The following SRRD variants were observed in gnomAD, a reference collection of about 807,000 sequenced individuals.
SRRD encodes the protein SRR1 domain containing.
A neutral mutation model predicts 30.7 loss-of-function variants in SRRD; 28 were observed. That is an observed-to-expected ratio of 0.91 (90% CI 0.68 to 1.25). SRRD has a LOEUF of 1.25. Among genes scored for constraint, SRRD ranks in the 50% most tolerant of loss-of-function variants. The pLI is 0.00. For missense variants in SRRD, 415 were observed against 417.3 expected (o/e 0.99, Z 0.05); for synonymous variants, 161 against 159.6 (o/e 1.01, Z -0.07).
In SRRD at chr22:26,492,525, G is replaced by A. The variant is rs1017194843; in HGVS notation, c.*853G>A. On this transcript the variant is annotated 3_prime_UTR_variant, in exon 7 of 7. Coordinates refer to ENST00000215917, the MANE Select transcript of SRRD (RefSeq NM_001013694.3). The stretch of plus-strand genomic sequence containing the variant: ...ATACAACTTTGGAGGAAGTTTAGAC[G>A]ACTGGCCAGTATCACATAAAAACTG... 1.6e-6 allele frequency: 1 copy of A among 644,072 alleles called. No homozygotes were observed. Among genetic ancestry groups the A allele is most frequent in the South Asian group, 1.9e-5 (1 of 52,788 alleles). The allele number at this position is 644,072 out of a possible 1,614,324, so 39.9% of individuals were successfully genotyped here.
rs1921187073 is a variant in SRRD, at chr22:26,491,579, T to C, written c.927T>C (p.Asp309=). 1 of 1,614,020 alleles carries C rather than the reference T, an allele frequency of 6.2e-7. No individual in the cohort carries two copies. Among genetic ancestry groups the C allele is most frequent in the South Asian group, 1.1e-5 (1 of 91,088 alleles). ...PVQKLEQLSI[D]IWEFREEPDY... is the part of the protein sequence containing the mutation. ...AAAAGCTAGAACAGCTCTCCATAGA[T>C]ATTTGGGAGTTTCGGGAAGAACCAG... The change falls in exon 7 of 7, where the codon GAT becomes GAC. Residue 309 remains aspartate, a synonymous_variant. Coordinates refer to ENST00000215917, the MANE Select transcript of SRRD (RefSeq NM_001013694.3).
chr22:26,490,559 C>CTTTTTGTTTTTTTTT, intron 5 of SRRD, among the ~76,000 whole-genome samples: 1 of 51,844 alleles, frequency 1.9e-5, no homozygotes, highest in Non-Finnish European at 3.4e-5. Context: ...GGAATATTTG[C>CTTTTTGTTTTTTTTT]TTTTTTTTTT....
In SRRD at chr22:26,491,850, G is replaced by A. The variant is rs565844400; in HGVS notation, c.*178G>A. 2 of 931,766 alleles carry A rather than the reference G, an allele frequency of 2.1e-6. No homozygotes were observed. The highest frequency in any genetic ancestry group is 2.7e-5 in the Admixed American group (1 of 36,952). The allele number at this position is 931,766 out of a possible 1,614,324, so 57.7% of individuals were successfully genotyped here. ...CTTGGTATAAAGATTCCTGCCCTAC[G>A]TGGCATTGTCCCATTTTACATCCTT... On this transcript the variant is annotated 3_prime_UTR_variant, in exon 7 of 7. Coordinates refer to ENST00000215917, the MANE Select transcript of SRRD (RefSeq NM_001013694.3).
intron 2 of SRRD, among the ~76,000 whole-genome samples, chr22:26,487,586 C>G (rs1484558006): frequency 6.6e-6 from 1 of 152,292 alleles, no homozygotes; most frequent in South Asian, 2.1e-4. Context: ...GTCTTGAATT[C>G]CTGACCTCAG....
Position 26,488,020 on chromosome 22 carries a change from C to A in SRRD, c.251-9C>A. The A allele has an allele frequency of 6.2e-7, 1 of 1,600,790 alleles. No individual in the cohort carries two copies. Among genetic ancestry groups the A allele is most frequent in the Non-Finnish European group, 8.5e-7 (1 of 1,172,106 alleles). ...CCCTCTAACTGCATTTGGGGGCCTG[C>A]TCTTTCAGAAACCATCAATAGATGT... On this transcript the variant is annotated splice_polypyrimidine_tract_variant and intron_variant, in intron 2 of 6. Transcript: ENST00000215917.
rs372171229 is a variant in SRRD, at chr22:26,492,417, T to C, written c.*745T>C. The C allele has an allele frequency of 3.8e-6, 6 of 1,569,344 alleles. No homozygotes were observed. The African/African-American group carries it at 4.0e-5, about 11-fold the overall frequency. ...GTGAGGAGAGGTGTTTCCAGGTGTA[T>C]GGAAGTTGACACTGTGGCTTGGCCC... is the stretch of plus-strand genomic sequence containing the variant. On this transcript the variant is annotated 3_prime_UTR_variant, in exon 7 of 7. Coordinates refer to ENST00000215917, the MANE Select transcript of SRRD (RefSeq NM_001013694.3).
rs1381503605 is a variant in SRRD at position 26,494,066 on chromosome 22, G to A, written c.*2394G>A. The A allele has an allele frequency of 2.6e-6, 4 of 1,560,480 alleles. No individual in the cohort carries two copies. Among genetic ancestry groups the A allele is most frequent in the Non-Finnish European group, 3.5e-6 (4 of 1,144,416 alleles). On this transcript the variant is annotated 3_prime_UTR_variant, in exon 7 of 7. Transcript: ENST00000215917. ...CTGCCTACAGGAACCAGAAAACTCTGATTCTGTGTCATTTACATGTGTAAA... is the reference window on the plus strand; with the variant it reads ...CTGCCTACAGGAACCAGAAAACTCTAATTCTGTGTCATTTACATGTGTAAA...
intron 3 of SRRD, 48 bp from the exon 4 acceptor site, chr22:26,488,342 G>A: frequency 6.2e-7 from 1 of 1,613,576 alleles, no homozygotes; most frequent in Non-Finnish European, 8.5e-7. Context: ...ATACATGGGT[G>A]CACACAGATG....
At position 26,487,287 on chromosome 22, in the gene SRRD, A is replaced by T. The variant is rs139611700; in HGVS notation, c.251-742A>T. 2.2e-3 allele frequency among the ~76,000 whole-genome samples: 331 copies of T among 152,300 alleles called. 1 individual carries two copies. Among genetic ancestry groups the T allele is most frequent in the African/African-American group, 7.2e-3 (300 of 41,552 alleles). ...ATGCACGGCTTTTTTTGTTTTGCTA[A>T]ATTCAGTACCAGTACAATAAAAGGA... is the stretch of plus-strand genomic sequence containing the variant. On this transcript the variant is annotated intron_variant, in intron 2 of 6. Transcript: ENST00000215917.
chr22:26,489,940 TC>T, intron 4 of SRRD, 103 bp from the exon 5 acceptor site: 1 of 1,330,974 alleles, frequency 7.5e-7, no homozygotes, highest in Non-Finnish European at 1.0e-6. Context: ...TTCCTTTTGA[TC>T]CTTTAGTTTG....
Position 26,488,417 on chromosome 22 carries a change from G to C in SRRD, c.538G>C (p.Asp180His). The C allele has an allele frequency of 6.2e-7, 1 of 1,614,134 alleles. No homozygotes were observed. Residue 180 changes from aspartate to histidine, a missense_variant, in exon 4 of 7, where the codon GAC becomes CAC. Physicochemically the swap from Asp to His is moderately conservative, Grantham distance 81. Transcript: ENST00000215917. ...TCCCAGAAGTCACTGTTGGGTATAT[G>C]ACCCTCTGTTTAGCCAACTTGAAAT... ...QIPRSHCWVYDPLFSQLEIEV... is the reference protein window; with the variant it reads ...QIPRSHCWVYHPLFSQLEIEV...
Position 26,490,170 on chromosome 22 carries a change from G to C in SRRD, c.736G>C (p.Gly246Arg). Residue 246 changes from glycine (G) to arginine (R), a missense_variant, in exon 5 of 7, where the codon GGG (glycine) becomes CGG (arginine). By Grantham distance (125) the Gly-to-Arg change is moderately radical (BLOSUM62 -2). Transcript: ENST00000215917. ...TGCCCTTTCTAAGATGGTCATCATTGGGAACAGTTTCAAAGGACTTGAGGA... is the reference window on the plus strand; with the variant it reads ...TGCCCTTTCTAAGATGGTCATCATTCGGAACAGTTTCAAAGGACTTGAGGA... ...VDALSKMVII[G>R]NSFKGLEERL... The C allele has an allele frequency of 6.2e-7, 1 of 1,614,130 alleles. No homozygotes were observed. Among genetic ancestry groups the C allele is most frequent in the Non-Finnish European group, 8.5e-7 (1 of 1,180,018 alleles).
chr22:26,491,132 T>TC, intron 6 of SRRD, 62 bp downstream of exon 6: 1 of 1,535,726 alleles, frequency 6.5e-7, no homozygotes. Flanking sequence ...GAATTCTATC[T>TC]TTCTTTACAG....
At chr22:26,490,930 C>A in intron 5 of SRRD, 95 bp from the exon 6 acceptor site, 2 of 1,106,892 alleles carry the variant, frequency 1.8e-6, no homozygotes, top group Non-Finnish European at 1.3e-6. Context: ...AATCATCTTG[C>A]CCTTCTATGT....
chr22:26,487,819 C>T (rs778772418), intron 2 of SRRD, among the ~76,000 whole-genome samples: 2 of 152,204 alleles, frequency 1.3e-5, no homozygotes, highest in Non-Finnish European at 2.9e-5. Flanking sequence ...GTCCAGGGGC[C>T]GGGACAGTTT....
At chr22:26,490,861 AACTATTTAACTGGTTT>A in intron 5 of SRRD, 148 bp from the exon 6 acceptor site, 1 of 629,566 alleles carries the variant, frequency 1.6e-6, no homozygotes, top group South Asian at 2.2e-5. Context: ...CCACATTTTC[AACTATTTAACTGGTTT>A]ACTCCACATC....
chr22:26,488,215 T>C lies in SRRD; in HGVS notation c.437T>C (p.Ile146Thr). ...CATTTGAAGTGTGTGTGTTACGGCA[T>C]TGGGAACTTTGCCACCTGCATCGTA... ...TCHLKCVCYGIGNFATCIVAR... is the reference protein window; with the variant it reads ...TCHLKCVCYGTGNFATCIVAR... Residue 146 changes from isoleucine (I) to threonine (T), a missense_variant, in exon 3 of 7, where the codon ATT becomes ACT. Physicochemically the swap from Ile to Thr is moderately conservative, Grantham distance 89 (BLOSUM62 -1). Coordinates refer to ENST00000215917, the MANE Select transcript of SRRD (RefSeq NM_001013694.3). The C allele has an allele frequency of 2.5e-6, 4 of 1,614,220 alleles. No homozygotes were observed. Among genetic ancestry groups the C allele is most frequent in the South Asian group, 1.1e-5 (1 of 91,088 alleles).
rs1308140926 is a variant in SRRD, at chr22:26,490,086, A to G, written c.652A>G (p.Met218Val). The change falls in exon 5 of 7, where the codon ATG (methionine) becomes GTG (valine). Residue 218 changes from methionine (M) to valine (V), a missense_variant. Coordinates refer to ENST00000215917, the MANE Select transcript of SRRD (RefSeq NM_001013694.3). ...SIRGEPTIFY[M>V]LHCGTALYNN... is the part of the protein sequence containing the mutation. Reference sequence around the variant, plus strand: ...TCGCGGGGAGCCTACCATCTTTTACATGCTCCATTGTGGGACGGCCTTGTA... The same window carrying G: ...TCGCGGGGAGCCTACCATCTTTTACGTGCTCCATTGTGGGACGGCCTTGTA... 1.9e-5 allele frequency: 31 copies of G among 1,613,942 alleles called. No homozygotes were observed. The highest frequency in any genetic ancestry group is 2.5e-5 in the Non-Finnish European group (29 of 1,179,982).
At chr22:26,484,164 C>G (rs1057067877) in intron 1 of SRRD, 65 bp downstream of exon 1, 6 of 1,451,580 alleles carry the variant, frequency 4.1e-6, no homozygotes, top group South Asian at 1.2e-5. Context: ...CACAGTCTCC[C>G]CATCTGTAGA....
Sources: allele counts gnomAD v4.1 joint callset (sites outside exome capture counted in the v4.1 genomes callset), GRCh38; gene constraint gnomAD v4.1.1; transcripts MANE v1.5; gene names NCBI Gene and HGNC (gene_info 2026-07-23, HGNC 2026-07-21).